The following INO80 variants were observed in gnomAD, a reference collection of about 807,000 sequenced individuals.
INO80 encodes chromatin-remodeling ATPase INO80.
In INO80, 20 loss-of-function variants were observed where a neutral mutation model predicts 203.4. That is an observed-to-expected ratio of 0.10 (90% CI 0.07 to 0.14). INO80 has a LOEUF of 0.14. Ranked by LOEUF, INO80 falls within the 10% of genes least tolerant of loss-of-function variation. The probability of loss-of-function intolerance (pLI) is 1.00; values close to 1 mark genes in which losing one functional copy is unlikely to be tolerated. For missense variants in INO80, 1,419 were observed against 1,914.4 expected (o/e 0.74, Z 4.83); for synonymous variants, 726 against 685.2 (o/e 1.06, Z -0.93).
At chr15:41,096,416 G>A (rs1430612418) in intron 1 of INO80, 63 bp from the exon 2 acceptor site, 15 of 1,198,230 alleles carry the variant, frequency 1.3e-5, no homozygotes, top group Non-Finnish European at 1.6e-5. Flanking sequence ...TCTCTTGCCT[G>A]CTTGTTCCCA....
chr15:41,080,441 T>C (rs2045468900), intron 8 of INO80, among the ~76,000 whole-genome samples: 1 of 152,226 alleles, frequency 6.6e-6, no homozygotes, highest in African/African-American at 2.4e-5. Flanking sequence ...CACATCATTA[T>C]TTCTTAGACG....
At chr15:41,075,915 C>T (rs1372062934) in intron 9 of INO80, among the ~76,000 whole-genome samples, 1 of 152,146 alleles carries the variant, frequency 6.6e-6, no homozygotes, top group South Asian at 2.1e-4. Context: ...GGCCCTAAAA[C>T]TCTTACCACC....
intron 28 of INO80, among the ~76,000 whole-genome samples, chr15:41,002,128 G>C (rs1427820053): frequency 6.6e-6 from 1 of 152,072 alleles, no homozygotes; most frequent in Admixed American, 6.6e-5. Flanking sequence ...TTTCCATTTT[G>C]CCCAATATTA....
chr15:40,992,338 A>G (rs1200728408), intron 29 of INO80, among the ~76,000 whole-genome samples: 1 of 152,242 alleles, frequency 6.6e-6, no homozygotes, highest in African/African-American at 2.4e-5. Context: ...GTCAAATGCA[A>G]AGACAACCCT....
At chr15:41,042,206 G>A (rs1161901424) in intron 24 of INO80, among the ~76,000 whole-genome samples, 2 of 151,848 alleles carry the variant, frequency 1.3e-5, no homozygotes, top group African/African-American at 4.8e-5. Context: ...AATAGAGACA[G>A]GGTTTCACCA....
chr15:41,088,696 T>C (rs1262577954), intron 5 of INO80, among the ~76,000 whole-genome samples: 1 of 152,206 alleles, frequency 6.6e-6, no homozygotes, highest in Non-Finnish European at 1.5e-5. Flanking sequence ...GGTAGCCCAC[T>C]ATTAAATCTC....
At chr15:41,113,492 T>C (rs2045986107) in intron 1 of INO80, among the ~76,000 whole-genome samples, 3 of 151,986 alleles carry the variant, frequency 2.0e-5, no homozygotes, top group Admixed American at 6.6e-5. Flanking sequence ...GGTTTCGAAC[T>C]CCTGACCTCA....
In INO80 at chr15:40,984,294, A is replaced by G. The variant is rs151317571; in HGVS notation, c.3980T>C (p.Ile1327Thr). The change falls in exon 33 of 36, where the codon ATC becomes ACC. Residue 1327 changes from isoleucine to threonine, a missense_variant. Ile to Thr is a moderately conservative substitution (Grantham distance 89). This residue lies in a region of INO80 where 214 missense variants were observed against 248.9 expected (regional missense o/e 0.86). Transcript: ENST00000648947. ...GTTATCAGCCGAGGGAACAAATGGG[A>G]TCACCAGGTTCACACCCTCTTTTCT... ...KRRKEGVNLV[I>T]PFVPSADNSN... is the part of the protein sequence containing the mutation. 53 of 1,614,018 alleles carry G rather than the reference A, an allele frequency of 3.3e-5. No homozygotes were observed. In the African/African-American group the frequency reaches 5.7e-4, roughly 17 times the overall value.
intron 24 of INO80, among the ~76,000 whole-genome samples, chr15:41,031,473 G>A (rs2044461139): frequency 8.1e-6 from 1 of 123,960 alleles, no homozygotes; most frequent in Non-Finnish European, 1.7e-5. Flanking sequence ...GGGAAGGAGG[G>A]AGAGAAGGAG....
At chr15:41,052,870 A>C (rs548772649) in intron 19 of INO80, among the ~76,000 whole-genome samples, 1 of 150,802 alleles carries the variant, frequency 6.6e-6, no homozygotes, top group African/African-American at 2.4e-5. Context: ...AAAAAAAAAA[A>C]AAAAATACAA....
intron 1 of INO80, among the ~76,000 whole-genome samples, chr15:41,111,399 T>G (rs28613002): frequency 6.6e-6 from 1 of 151,866 alleles, no homozygotes; most frequent in East Asian, 1.9e-4. Context: ...TGAGCCAAGA[T>G]GGCGCCACTG....
chr15:41,027,347 A>G (rs2044390953), intron 25 of INO80, among the ~76,000 whole-genome samples: 1 of 152,196 alleles, frequency 6.6e-6, no homozygotes, highest in Admixed American at 6.6e-5. Flanking sequence ...TATAGTTTAG[A>G]GCCCCTGACT....
intron 1 of INO80, among the ~76,000 whole-genome samples, chr15:41,111,342 A>G (rs182428712): frequency 5.9e-5 from 9 of 152,300 alleles, no homozygotes; most frequent in Admixed American, 5.2e-4. Context: ...GTTACTCAGG[A>G]GGCTGAGGCA....
chr15:41,070,221 A>G (rs758870674), intron 13 of INO80, among the ~76,000 whole-genome samples: 3 of 152,212 alleles, frequency 2.0e-5, no homozygotes, highest in Admixed American at 1.3e-4. Context: ...TTGCCACTAC[A>G]CTGGTGGTAA....
At chr15:41,057,048 A>G (rs1310712613) in intron 16 of INO80, among the ~76,000 whole-genome samples, 2 of 152,242 alleles carry the variant, frequency 1.3e-5, no homozygotes, top group Non-Finnish European at 2.9e-5. Flanking sequence ...TCTGTGGTAT[A>G]AAGTGTCAAA....
intron 27 of INO80, among the ~76,000 whole-genome samples, chr15:41,010,590 T>C (rs886459097): frequency 9.2e-5 from 14 of 152,088 alleles, no homozygotes; most frequent in African/African-American, 3.1e-4. Context: ...GTTTCCCAGA[T>C]GGAAGGGATG....
chr15:41,026,671 T>TA (rs1453933654), intron 25 of INO80, among the ~76,000 whole-genome samples: 3 of 152,148 alleles, frequency 2.0e-5, no homozygotes, highest in African/African-American at 7.2e-5. Context: ...GTCAACCTCT[T>TA]AGAGCTTCCT....
At chr15:41,100,281 A>G (rs963105107) in intron 1 of INO80, among the ~76,000 whole-genome samples, 3 of 152,038 alleles carry the variant, frequency 2.0e-5, no homozygotes, top group Admixed American at 6.6e-5. Flanking sequence ...TCACTGTGTT[A>G]GCCAGGATGG....
intron 27 of INO80, among the ~76,000 whole-genome samples, chr15:41,007,924 A>G (rs2044074163): frequency 6.6e-6 from 1 of 152,248 alleles, no homozygotes; most frequent in African/African-American, 2.4e-5. Context: ...CTGTAATCCC[A>G]GCACTGTGGA....
Sources: gnomAD v4.1 joint callset for allele counts (sites outside exome capture counted in the v4.1 genomes callset) on GRCh38, gnomAD v4.1.1 for gene constraint, gnomAD v4.1.1 regional missense constraint, MANE v1.5 for transcripts, NCBI Gene and HGNC (gene_info 2026-07-23, HGNC 2026-07-21) for gene names.